Variants in CACNA1A observed in about 807,000 individuals in gnomAD.
CACNA1A encodes voltage-dependent P/Q-type calcium channel subunit alpha-1A.
Under a neutral mutation model 262.4 loss-of-function variants are expected in CACNA1A, and 57 were observed. The observed-to-expected ratio is 0.22, with a 90% CI of 0.18 to 0.27. The LOEUF (loss-of-function observed/expected upper bound fraction) is 0.27. Ranked by LOEUF, CACNA1A falls within the 10% of genes least tolerant of loss-of-function variation. The pLI, the probability that CACNA1A is intolerant of heterozygous loss-of-function variation, is 1.00. For missense variants in CACNA1A, 2,526 were observed against 3,562.8 expected (o/e 0.71, Z 7.41); for synonymous variants, 1,431 against 1,419.3 (o/e 1.01, Z -0.18).
At chr19:13,488,390 CTTTTTTTTTTTTTTT>C (rs34348281) in intron 1 of CACNA1A, among the ~76,000 whole-genome samples, 42 of 77,620 alleles carry the variant, frequency 5.4e-4, no homozygotes, top group Non-Finnish European at 8.6e-4. Context: ...TTTTTCTTTT[CTTTTTTTTTTTTTTT>C]TTTTTTTTTT....
intron 12 of CACNA1A, among the ~76,000 whole-genome samples, chr19:13,310,486 A>T (rs1045617795): frequency 1.7e-4 from 5 of 28,934 alleles, no homozygotes; most frequent in African/African-American, 6.1e-4. Context: ...AAAAAAAAAA[A>T]AAAATATATA....
At chr19:13,401,171 CA>C (rs1159605196) in intron 3 of CACNA1A, among the ~76,000 whole-genome samples, 1 of 152,126 alleles carries the variant, frequency 6.6e-6, no homozygotes, top group Non-Finnish European at 1.5e-5. Context: ...CCTTAGGGAC[CA>C]AAAAATGGAT....
chr19:13,447,100 G>T (rs925381466), intron 3 of CACNA1A, among the ~76,000 whole-genome samples: 6 of 152,148 alleles, frequency 3.9e-5, no homozygotes, highest in African/African-American at 1.4e-4. Context: ...CAACAAGAAA[G>T]GAGAAGGGGA....
chr19:13,283,244 G>T (rs2057330541), intron 22 of CACNA1A, 23 bp downstream of exon 22: 12 of 1,609,320 alleles, frequency 7.5e-6, no homozygotes, highest in Non-Finnish European at 1.0e-5. Flanking sequence ...AGGCTAGGAA[G>T]GGGTGTGCTC....
chr19:13,336,586 A>AGAGAGAGG (rs1289688537), intron 6 of CACNA1A, among the ~76,000 whole-genome samples: 5 of 79,554 alleles, frequency 6.3e-5, no homozygotes, highest in African/African-American at 1.6e-4. Context: ...AGAGACAGAG[A>AGAGAGAGG]GAGAGAGGGA....
chr19:13,470,042 T>C (rs371072493), intron 1 of CACNA1A, among the ~76,000 whole-genome samples: 6 of 152,162 alleles, frequency 3.9e-5, no homozygotes, highest in East Asian at 3.9e-4. Context: ...ATTAAATTCA[T>C]GATGCTAAAC....
chr19:13,483,822 G>C (rs1387691734), intron 1 of CACNA1A, among the ~76,000 whole-genome samples: 1 of 152,124 alleles, frequency 6.6e-6, no homozygotes, highest in Non-Finnish European at 1.5e-5. Flanking sequence ...GCCCCTTTGA[G>C]TTTTCCACCT....
At chr19:13,309,358 A>G (rs886600957) in intron 12 of CACNA1A, among the ~76,000 whole-genome samples, 15 of 152,214 alleles carry the variant, frequency 9.9e-5, no homozygotes, top group African/African-American at 2.9e-4. Flanking sequence ...CCTGAAACAC[A>G]TAATTACAAA....
At chr19:13,424,026 C>A (rs191191120) in intron 3 of CACNA1A, among the ~76,000 whole-genome samples, 1 of 152,230 alleles carries the variant, frequency 6.6e-6, no homozygotes, top group Non-Finnish European at 1.5e-5. Flanking sequence ...ACTGTTCTTC[C>A]TTCCCTTTCA....
In CACNA1A at chr19:13,206,525, A is replaced by C. The variant is rs1272184860; in HGVS notation, c.*788T>G. Reference sequence around the variant, plus strand: ...GTCCCAAGCCCACGGTTTTCAAACAAGGTAGGAAAAAAGGAAAAAAGAAGC... The same window carrying C: ...GTCCCAAGCCCACGGTTTTCAAACACGGTAGGAAAAAAGGAAAAAAGAAGC... On this transcript the variant is annotated 3_prime_UTR_variant, in exon 47 of 47. Coordinates refer to ENST00000360228, the MANE Select transcript of CACNA1A (RefSeq NM_001127222.2). 1.3e-5 allele frequency: 2 copies of C among 153,032 alleles called. No homozygotes were observed. The highest frequency in any genetic ancestry group is 2.9e-5 in the Non-Finnish European group (2 of 68,186). 9.5% of individuals were successfully genotyped at this position (153,032 alleles called of 1,614,324 possible). A position where few individuals can be genotyped will look rare whatever the true frequency, so the allele number is the denominator to read the frequency against.
At chr19:13,467,689 C>T (rs999182108) in intron 1 of CACNA1A, among the ~76,000 whole-genome samples, 1 of 151,458 alleles carries the variant, frequency 6.6e-6, no homozygotes, top group South Asian at 2.1e-4. Flanking sequence ...ACTGCAGCCT[C>T]TGCCTCCTGG....
intron 3 of CACNA1A, among the ~76,000 whole-genome samples, chr19:13,399,995 A>G (rs2059872053): frequency 6.6e-6 from 1 of 152,226 alleles, no homozygotes; most frequent in Admixed American, 6.5e-5. Flanking sequence ...TCTCATCTGT[A>G]AAATGGGGAG....
At chr19:13,216,927 G>C (rs1405965019) in intron 38 of CACNA1A, among the ~76,000 whole-genome samples, 1 of 152,096 alleles carries the variant, frequency 6.6e-6, no homozygotes, top group Non-Finnish European at 1.5e-5. Context: ...GCTTGAAAGA[G>C]GATAGGGTCC....
intron 3 of CACNA1A, among the ~76,000 whole-genome samples, chr19:13,431,470 C>A (rs936076471): frequency 6.6e-6 from 1 of 151,926 alleles, no homozygotes; most frequent in Non-Finnish European, 1.5e-5. Flanking sequence ...GTTAAAGCCG[C>A]CTTTACCTAA....
chr19:13,208,879 A>ATGGTGGTGG lies in CACNA1A; in HGVS notation c.6648_6656dup (p.His2217_His2219dup), dbSNP rs759331923. ...AGCGGTCCTTGTCGGGGGGCGGGGGATGGTGGTGGTGGTGGTGGTGGTGGT... is the reference window on the plus strand; with the variant it reads ...AGCGGTCCTTGTCGGGGGGCGGGGGATGGTGGTGGTGGTGGTGGTGGTGGTGGTGGTGGT... On this transcript the variant is annotated inframe_insertion, in exon 46 of 47. Transcript: ENST00000360228. 5 of 1,454,060 alleles carry ATGGTGGTGG rather than the reference A, an allele frequency of 3.4e-6. No individual in the cohort carries two copies. The highest frequency in any genetic ancestry group is 4.6e-6 in the Non-Finnish European group (5 of 1,081,300). The allele number at this position is 1,454,060 out of a possible 1,614,324, so 90.1% of individuals were successfully genotyped here. A position where few individuals can be genotyped will look rare whatever the true frequency, so the allele number is the denominator to read the frequency against.
chr19:13,442,360 C>T (rs1439541966), intron 3 of CACNA1A, among the ~76,000 whole-genome samples: 1 of 152,128 alleles, frequency 6.6e-6, no homozygotes, highest in Non-Finnish European at 1.5e-5. Context: ...TACACTGACT[C>T]CCTAGCTCAC....
intron 30 of CACNA1A, among the ~76,000 whole-genome samples, chr19:13,250,169 T>G (rs1357107171): frequency 6.7e-6 from 1 of 148,594 alleles, no homozygotes; most frequent in Non-Finnish European, 1.5e-5. Flanking sequence ...AAGCGATGCT[T>G]GGGCCTCAGC....
intron 3 of CACNA1A, among the ~76,000 whole-genome samples, chr19:13,416,382 C>T (rs1255606684): frequency 1.3e-5 from 2 of 152,160 alleles, no homozygotes; most frequent in African/African-American, 2.4e-5. Flanking sequence ...GGATTACAGG[C>T]GTGAGGCACA....
At chr19:13,413,100 GT>G (rs143741127) in intron 3 of CACNA1A, among the ~76,000 whole-genome samples, 36,987 of 114,614 alleles carry the variant, frequency 0.32, 5,761 homozygotes, top group Non-Finnish European at 0.36. Flanking sequence ...AAAGTTTTTT[GT>G]TTTTTTTTTT....
Sources: allele counts gnomAD v4.1 joint callset (sites outside exome capture counted in the v4.1 genomes callset), GRCh38; gene constraint gnomAD v4.1.1; transcripts MANE v1.5; gene names NCBI Gene and HGNC (gene_info 2026-07-23, HGNC 2026-07-21).